Variants in SH3RF3 observed in about 807,000 individuals in gnomAD.
SH3RF3 encodes the protein E3 ubiquitin-protein ligase SH3RF3.
A neutral mutation model predicts 66.3 loss-of-function variants in SH3RF3; 29 were observed. The observed-to-expected ratio is 0.44, with a 90% CI of 0.33 to 0.60. The LOEUF is 0.60. Ranked by LOEUF, SH3RF3 falls within the 20% of genes least tolerant of loss-of-function variation. The pLI, the probability that SH3RF3 is intolerant of heterozygous loss-of-function variation, is 0.04. For missense variants in SH3RF3, 1,194 were observed against 1,190.9 expected (o/e 1.00, Z -0.04); for synonymous variants, 583 against 532.0 (o/e 1.10, Z -1.32).
At chr2:109,276,013 T>C (rs891683877) in intron 1 of SH3RF3, among the ~76,000 whole-genome samples, 1 of 152,208 alleles carries the variant, frequency 6.6e-6, no homozygotes, top group Non-Finnish European at 1.5e-5. Flanking sequence ...TCTCCAATCC[T>C]GGAGAGGATT....
At chr2:109,284,500 G>A (rs1026629751) in intron 1 of SH3RF3, among the ~76,000 whole-genome samples, 1 of 152,126 alleles carries the variant, frequency 6.6e-6, no homozygotes, top group African/African-American at 2.4e-5. Flanking sequence ...CTCTCCTCTC[G>A]TCCAGCCTTG....
At chr2:109,240,900 G>C (rs1374831147) in intron 1 of SH3RF3, among the ~76,000 whole-genome samples, 2 of 126,146 alleles carry the variant, frequency 1.6e-5, no homozygotes, top group African/African-American at 6.3e-5. Context: ...CTGTCTCTCT[G>C]TCTTGCTCCC....
At chr2:109,395,548 T>A (rs534107358) in intron 3 of SH3RF3, among the ~76,000 whole-genome samples, 14 of 152,280 alleles carry the variant, frequency 9.2e-5, no homozygotes, top group Admixed American at 9.1e-4. Flanking sequence ...CTGCCTATCT[T>A]GGTGGAAGCT....
intron 1 of SH3RF3, among the ~76,000 whole-genome samples, chr2:109,260,948 G>C (rs1680339105): frequency 6.6e-6 from 1 of 152,162 alleles, no homozygotes; most frequent in African/African-American, 2.4e-5. Flanking sequence ...AAGCAGTGAG[G>C]CTGGACTGTT....
intron 4 of SH3RF3, among the ~76,000 whole-genome samples, chr2:109,409,956 C>T (rs535756461): frequency 6.6e-6 from 1 of 152,230 alleles, no homozygotes; most frequent in Non-Finnish European, 1.5e-5. Flanking sequence ...GGAGATGTTT[C>T]TTCTTGGGGT....
intron 1 of SH3RF3, among the ~76,000 whole-genome samples, chr2:109,229,480 G>C (rs1464668495): frequency 2.0e-5 from 3 of 152,136 alleles, no homozygotes; most frequent in African/African-American, 7.2e-5. Context: ...TTCTCAGACT[G>C]GTCCTGGGGT....
chr2:109,272,104 G>C (rs186273664), intron 1 of SH3RF3, among the ~76,000 whole-genome samples: 2 of 152,178 alleles, frequency 1.3e-5, no homozygotes, highest in Non-Finnish European at 2.9e-5. Flanking sequence ...AGGGCAGCCC[G>C]TCTGCCTCTG....
rs1680769664 is a variant in SH3RF3 at position 109,276,853 on chromosome 2, A to C, written c.574-70821A>C. Among the ~76,000 whole-genome samples, 3 of 152,294 alleles carry C rather than the reference A, an allele frequency of 2.0e-5. No homozygotes were observed. The East Asian group carries it at 5.8e-4, about 29-fold the overall frequency. On this transcript the variant is annotated intron_variant, in intron 1 of 9. Transcript: ENST00000309415. The stretch of plus-strand genomic sequence containing the variant: ...CTTATACAAACAATATAGTTAAGCA[A>C]GATAAAATAATCTAAATTCACATGG...
chr2:109,394,359 G>C (rs1043660720), intron 3 of SH3RF3, among the ~76,000 whole-genome samples: 1 of 152,112 alleles, frequency 6.6e-6, no homozygotes, highest in Non-Finnish European at 1.5e-5. Flanking sequence ...ACTGTCCCAT[G>C]GACAAGACTG....
At chr2:109,187,101 CTT>C (rs1026964029) in intron 1 of SH3RF3, among the ~76,000 whole-genome samples, 8 of 149,796 alleles carry the variant, frequency 5.3e-5, no homozygotes, top group African/African-American at 1.9e-4. Context: ...TGACCACACT[CTT>C]TGCTGGCTCC....
rs565993990 is a variant in SH3RF3 at position 109,160,553 on chromosome 2, T to A, written c.573+30440T>A. Reference sequence around the variant, plus strand: ...TCTGAGTTGTGCCTCTCTGGCTTAATCTCATCTGATTCTAGCAGTAACTCC... The same window carrying A: ...TCTGAGTTGTGCCTCTCTGGCTTAAACTCATCTGATTCTAGCAGTAACTCC... On this transcript the variant is annotated intron_variant, in intron 1 of 9. Transcript: ENST00000309415. Among the ~76,000 whole-genome samples the A allele has an allele frequency of 3.9e-5, 6 of 152,320 alleles. No individual in the cohort carries two copies. In the East Asian group the frequency reaches 9.6e-4, roughly 24 times the overall value.
chr2:109,354,885 T>A (rs1682916166), intron 2 of SH3RF3, among the ~76,000 whole-genome samples: 1 of 152,258 alleles, frequency 6.6e-6, no homozygotes, highest in Non-Finnish European at 1.5e-5. Flanking sequence ...TCCTACCATG[T>A]CACCTGAATC....
intron 1 of SH3RF3, among the ~76,000 whole-genome samples, chr2:109,153,180 C>G (rs1677262809): frequency 6.6e-6 from 1 of 152,182 alleles, no homozygotes; most frequent in South Asian, 2.1e-4. Flanking sequence ...AACTTATGCA[C>G]TGCAGCGTTC....
chr2:109,273,803 G>C (rs1462560674), intron 1 of SH3RF3, among the ~76,000 whole-genome samples: 1 of 152,124 alleles, frequency 6.6e-6, no homozygotes, highest in East Asian at 1.9e-4. Context: ...ATCCAGATAT[G>C]CTGCTTGAGA....
chr2:109,455,704 C>G (rs1307003979), intron 8 of SH3RF3, among the ~76,000 whole-genome samples: 1 of 152,136 alleles, frequency 6.6e-6, no homozygotes, highest in African/African-American at 2.4e-5. Flanking sequence ...GTGGAGGCAC[C>G]CTGCAATAGG....
At chr2:109,286,792 C>T (rs1015420084) in intron 1 of SH3RF3, among the ~76,000 whole-genome samples, 3 of 152,192 alleles carry the variant, frequency 2.0e-5, no homozygotes, top group African/African-American at 4.8e-5. Flanking sequence ...CCATACCTCC[C>T]GGGAGGAGTG....
chr2:109,460,134 A>T (rs1361190109), intron 8 of SH3RF3, among the ~76,000 whole-genome samples: 1 of 152,188 alleles, frequency 6.6e-6, no homozygotes, highest in Non-Finnish European at 1.5e-5. Context: ...TTTGCTATGG[A>T]GTGAGCTCCT....
intron 8 of SH3RF3, among the ~76,000 whole-genome samples, chr2:109,470,640 G>A (rs1678479719): frequency 6.6e-6 from 1 of 152,224 alleles, no homozygotes; most frequent in Admixed American, 6.5e-5. Flanking sequence ...GGCTCTGACA[G>A]TGCCACGCAT....
chr2:109,216,944 C>T (rs7355548), intron 1 of SH3RF3, among the ~76,000 whole-genome samples: 6,789 of 152,240 alleles, frequency 0.045, 492 homozygotes, highest in African/African-American at 0.15. Flanking sequence ...CACTTAACTC[C>T]CCATTCCTCC....
Sources: allele counts gnomAD v4.1 joint callset (sites outside exome capture counted in the v4.1 genomes callset), GRCh38; gene constraint gnomAD v4.1.1; transcripts MANE v1.5; gene names NCBI Gene and HGNC (gene_info 2026-07-23, HGNC 2026-07-21).